Variants in RYR3 observed in about 807,000 individuals in gnomAD.
RYR3 encodes the protein brain ryanodine receptor-calcium release channel.
Under a neutral mutation model 584.3 loss-of-function variants are expected in RYR3, and 207 were observed. The observed-to-expected ratio is 0.35, with a 90% CI of 0.32 to 0.40. The LOEUF is 0.40. RYR3 is among the 10% of genes least tolerant of loss of function. The pLI, the probability that RYR3 is intolerant of heterozygous loss-of-function variation, is 1.00. For synonymous variants in RYR3, 2,416 were observed against 2,248.5 expected (o/e 1.07, Z -2.11); for missense variants, 5,616 against 6,089.2 (o/e 0.92, Z 2.59).
chr15:33,405,112 A>G (rs1454941056), intron 1 of RYR3, among the ~76,000 whole-genome samples: 1 of 152,260 alleles, frequency 6.6e-6, no homozygotes, highest in Non-Finnish European at 1.5e-5. Context: ...TACGTAAAGT[A>G]TTATTTGAAT....
chr15:33,766,800 G>A (rs759592901), intron 60 of RYR3, among the ~76,000 whole-genome samples: 5 of 152,192 alleles, frequency 3.3e-5, no homozygotes, highest in Admixed American at 6.5e-5. Context: ...CCCTTTGCCC[G>A]TGGGTCTCAG....
At chr15:33,832,299 A>AAAAT (rs1292125106) in intron 86 of RYR3, among the ~76,000 whole-genome samples, 1 of 151,634 alleles carries the variant, frequency 6.6e-6, no homozygotes, top group Non-Finnish European at 1.5e-5. Context: ...GTCTCAAAAA[A>AAAAT]AAAAAGAAAA....
chr15:33,846,907 C>A (rs2078758045), intron 93 of RYR3: 2 of 152,154 alleles, frequency 1.3e-5, no homozygotes. Flanking sequence ...AGTTTGAGAT[C>A]CTAGAGTTCA....
rs374302233 is a variant in RYR3, at chr15:33,838,777, A to G, written c.12797A>G (p.His4266Arg). 19 of 1,613,730 alleles carry G rather than the reference A, an allele frequency of 1.2e-5. No individual in the cohort carries two copies. Among genetic ancestry groups the G allele is most frequent in the South Asian group, 1.1e-5 (1 of 91,068 alleles). ...MEPGITTELV[H>R]FIKGEKGDTD... is the part of the protein sequence containing the mutation. Reference sequence around the variant, plus strand: ...CCAGGTATCACCACTGAACTAGTACACTTCATAAAGGGGGAGAAGGGAGAT... The same window carrying G: ...CCAGGTATCACCACTGAACTAGTACGCTTCATAAAGGGGGAGAAGGGAGAT... The change falls in exon 89 of 104, where the codon CAC (histidine) becomes CGC (arginine). Residue 4266 changes from histidine (H) to arginine (R), a missense_variant. By Grantham distance (29) the His-to-Arg change is conservative (BLOSUM62 0). Transcript: ENST00000634891.
intron 32 of RYR3, among the ~76,000 whole-genome samples, chr15:33,656,703 T>G (rs1160378164): frequency 6.6e-6 from 1 of 152,052 alleles, no homozygotes; most frequent in Non-Finnish European, 1.5e-5. Context: ...AGATTATGGG[T>G]CTTAGGTCGT....
rs2076472040 is a variant in RYR3, at chr15:33,810,592, T to C, written c.10140T>C (p.Asn3380=). 1.2e-6 allele frequency: 2 copies of C among 1,613,882 alleles called. No homozygotes were observed. Among genetic ancestry groups the C allele is most frequent in the African/African-American group, 2.7e-5 (2 of 74,922 alleles). Residue 3380 remains asparagine, a synonymous_variant, in exon 71 of 104, where the codon AAT becomes AAC. Transcript: ENST00000634891. ...ALKKMLPIGL[N]MCTPGDQELI... is the part of the protein sequence containing the mutation. ...AGAAAATGCTGCCCATTGGTTTGAA[T>C]ATGTGTACTCCAGGCGACCAGGAGC...
At chr15:33,647,542 G>A (rs766423388) in intron 30 of RYR3, 82 bp downstream of exon 30, 24 of 986,420 alleles carry the variant, frequency 2.4e-5, no homozygotes, top group Non-Finnish European at 3.4e-5. Flanking sequence ...GCAAAGATCC[G>A]TCTAGAGATC....
At chr15:33,370,198 C>A (rs2040230243) in intron 1 of RYR3, among the ~76,000 whole-genome samples, 1 of 152,048 alleles carries the variant, frequency 6.6e-6, no homozygotes, top group Non-Finnish European at 1.5e-5. Context: ...GCTATACAAC[C>A]ATGCACTGAG....
In RYR3 at chr15:33,739,860, C is replaced by T. The variant is rs1171558421; in HGVS notation, c.7685C>T (p.Ala2562Val). The T allele has an allele frequency of 6.2e-7, 1 of 1,613,654 alleles. No individual in the cohort carries two copies. The highest frequency in any genetic ancestry group is 1.7e-5 in the Admixed American group (1 of 59,992). ...TATGACCCAGATCTTTTCCGAATGG[C>T]CCTGCCTTGTCTCAGTGCTATAGCT... ...KKYDPDLFRM[A>V]LPCLSAIAGA... is the part of the protein sequence containing the mutation. Residue 2562 changes from alanine (A) to valine (V), a missense_variant, in exon 51 of 104, where the codon GCC becomes GTC. By Grantham distance (64) the Ala-to-Val change is moderately conservative. Transcript: ENST00000634891.
chr15:33,826,741 G>A lies in RYR3; in HGVS notation c.11234G>A (p.Gly3745Glu), dbSNP rs1220700130. The change falls in exon 84 of 104, where the codon GGA (glycine) becomes GAA (glutamate). Residue 3745 changes from glycine (G) to glutamate (E), a missense_variant. This residue lies in a region of RYR3 where 954 missense variants were observed against 1,132.2 expected (regional missense o/e 0.84). Coordinates refer to ENST00000634891, the MANE Select transcript of RYR3 (RefSeq NM_001036.6). ...AGATTCCTACAGTTACTTTGTGAGG[G>A]ACATAACAGTGGTGAGTGGAACAGA... is the stretch of plus-strand genomic sequence containing the variant. ...LFRFLQLLCE[G>E]HNSDFQNFLR... 6.2e-7 allele frequency: 1 copy of A among 1,611,594 alleles called. No individual in the cohort carries two copies. Among genetic ancestry groups the A allele is most frequent in the Non-Finnish European group, 8.5e-7 (1 of 1,178,840 alleles).
At chr15:33,843,351 A>AC (rs2078501738) in intron 91 of RYR3, 137 bp from the exon 92 acceptor site, 1 of 603,524 alleles carries the variant, frequency 1.7e-6, no homozygotes, top group Non-Finnish European at 3.0e-6. Context: ...TGCCAGGGTT[A>AC]CCCTAGAAGA....
rs374580756 is a variant in RYR3 at position 33,810,515 on chromosome 15, C to T, written c.10063C>T (p.Arg3355Trp). 24 of 1,613,756 alleles carry T rather than the reference C, an allele frequency of 1.5e-5. No homozygotes were observed. Among genetic ancestry groups the T allele is most frequent in the African/African-American group, 5.3e-5 (4 of 74,924 alleles). Residue 3355 changes from arginine to tryptophan, a missense_variant, in exon 71 of 104, where the codon CGG (arginine) becomes TGG (tryptophan). Physicochemically the swap from Arg to Trp is moderately radical, Grantham distance 101. Around this residue, in one of 9 missense-constraint regions of RYR3, gnomAD observed 954 missense variants for 1,132.2 expected, o/e 0.84. Coordinates refer to ENST00000634891, the MANE Select transcript of RYR3 (RefSeq NM_001036.6). ...AGACCAGGAGCGGAAGAAGACAAAG[C>T]GGCGGGGAGACTTGTATTCCATCCA... is the stretch of plus-strand genomic sequence containing the variant. ...GQDQERKKTKRRGDLYSIQTS... is the reference protein window; with the variant it reads ...GQDQERKKTKWRGDLYSIQTS...
rs758073182 is a variant in RYR3, at chr15:33,581,503, C to T, written c.1438-5C>T. On this transcript the variant is annotated splice_region_variant and splice_polypyrimidine_tract_variant and intron_variant, in intron 13 of 103. Transcript: ENST00000634891. The stretch of plus-strand genomic sequence containing the variant: ...GTTTACATTTTCCTCCACTCTCCTT[C>T]TCAGGGAATGTTGGCCCTTGTCTTA... The T allele has an allele frequency of 6.2e-7, 1 of 1,613,200 alleles. No homozygotes were observed. The highest frequency in any genetic ancestry group is 8.5e-7 in the Non-Finnish European group (1 of 1,179,282).
chr15:33,317,145 G>A (rs914581727), intron 1 of RYR3, among the ~76,000 whole-genome samples: 10 of 152,114 alleles, frequency 6.6e-5, no homozygotes, highest in South Asian at 2.1e-4. Context: ...ATTGAATCCC[G>A]TAGCTCTTCC....
At chr15:33,448,534 T>C (rs1038296349) in intron 1 of RYR3, among the ~76,000 whole-genome samples, 1 of 152,228 alleles carries the variant, frequency 6.6e-6, no homozygotes, top group African/African-American at 2.4e-5. Flanking sequence ...GAGCGAGATT[T>C]GAAGGTGGCT....
intron 11 of RYR3, among the ~76,000 whole-genome samples, chr15:33,564,991 G>A (rs1375473610): frequency 2.6e-5 from 4 of 152,048 alleles, no homozygotes; most frequent in Admixed American, 6.6e-5. Flanking sequence ...AAAACCAATC[G>A]AGCACAAACA....
intron 3 of RYR3, among the ~76,000 whole-genome samples, chr15:33,524,170 AG>A (rs1477578470): frequency 5.9e-5 from 9 of 152,248 alleles, no homozygotes; most frequent in Non-Finnish European, 1.3e-4. Context: ...ATATAGTAAT[AG>A]TGTTAAAGAA....
chr15:33,578,211 T>C (rs1018404933), intron 12 of RYR3, among the ~76,000 whole-genome samples: 6 of 152,282 alleles, frequency 3.9e-5, no homozygotes, highest in Non-Finnish European at 7.4e-5. Flanking sequence ...ATTCCTCAAA[T>C]ACCTAGAGCC....
At chr15:33,521,659 G>C (rs1266796617) in intron 3 of RYR3, among the ~76,000 whole-genome samples, 1 of 152,152 alleles carries the variant, frequency 6.6e-6, no homozygotes, top group Non-Finnish European at 1.5e-5. Flanking sequence ...GATATGAGGA[G>C]ACAGGAAGAA....
Sources: allele counts gnomAD v4.1 joint callset (sites outside exome capture counted in the v4.1 genomes callset), GRCh38; gene constraint gnomAD v4.1.1; regional missense constraint gnomAD v4.1.1; transcripts MANE v1.5; gene names NCBI Gene and HGNC (gene_info 2026-07-23, HGNC 2026-07-21).